The following AK8 variants were observed in gnomAD, a reference collection of about 807,000 sequenced individuals.
AK8 encodes the protein adenylate kinase 8, also known as ATP-AMP transphosphorylase 8.
A neutral mutation model predicts 54.6 loss-of-function variants in AK8; 44 were observed. That is an observed-to-expected ratio of 0.81 (90% CI 0.63 to 1.04). The LOEUF (loss-of-function observed/expected upper bound fraction) is 1.04. Among genes scored for constraint, AK8 ranks in the 50% least tolerant of loss-of-function variants. The pLI, the probability that AK8 is intolerant of heterozygous loss-of-function variation, is 0.00. For synonymous variants in AK8, 239 were observed against 245.6 expected (o/e 0.97, Z 0.25); for missense variants, 555 against 613.6 (o/e 0.90, Z 1.01).
intron 11 of AK8, among the ~76,000 whole-genome samples, chr9:132,752,723 C>T (rs1192300195): frequency 6.7e-6 from 1 of 149,978 alleles, no homozygotes. Context: ...GGCTGCCCCC[C>T]ACCCACCCCA....
At chr9:132,775,433 G>A (rs1590227066) in intron 11 of AK8, among the ~76,000 whole-genome samples, 2 of 152,104 alleles carry the variant, frequency 1.3e-5, no homozygotes, top group East Asian at 3.9e-4. Context: ...CTCCCAAGTA[G>A]CTGGAATTAC....
chr9:132,725,819 A>G lies in AK8; in HGVS notation c.1309T>C (p.Tyr437His). The G allele has an allele frequency of 6.2e-7, 1 of 1,607,464 alleles. No homozygotes were observed. Among genetic ancestry groups the G allele is most frequent in the South Asian group, 1.1e-5 (1 of 89,168 alleles). The change falls in exon 13 of 13, where the codon TAC becomes CAC. Residue 437 changes from tyrosine to histidine, a missense_variant. By Grantham distance (83) the Tyr-to-His change is moderately conservative. Coordinates refer to ENST00000298545, the MANE Select transcript of AK8 (RefSeq NM_152572.3). ...TGCTCCAAGTCAGCTGAGTTCCTGT[A>G]GAACAGGTCCATTTTCAGCTTGACC... ...EQVKLKMDLF[Y>H]RNSADLEQLY...
rs549141186 is a variant in AK8 at position 132,814,615 on chromosome 9, C to T, written c.979+23G>A. 9 of 1,610,050 alleles carry T rather than the reference C, an allele frequency of 5.6e-6. No homozygotes were observed. The East Asian group carries it at 1.6e-4, about 28-fold the overall frequency. ...CTCTCTGGAGCCTGTAAGGTCATGA[C>T]AGTTAGTGGGAACGTGGCCTACCTG... On this transcript the variant is annotated intron_variant, in intron 10 of 12. Transcript: ENST00000298545.
chr9:132,749,569 G>A (rs576725775), intron 11 of AK8, among the ~76,000 whole-genome samples: 34 of 152,044 alleles, frequency 2.2e-4, no homozygotes, highest in African/African-American at 6.5e-4. Flanking sequence ...AGCTTGCCCC[G>A]ATATCGGCTG....
intron 10 of AK8, among the ~76,000 whole-genome samples, chr9:132,808,000 A>G (rs1840800998): frequency 1.3e-5 from 2 of 152,016 alleles, no homozygotes; most frequent in Admixed American, 1.3e-4. Flanking sequence ...TTGAGTTCAG[A>G]GAGGAAAGAG....
Position 132,761,957 on chromosome 9 carries a change from C to T in AK8, c.1121+30677G>A, listed in dbSNP as rs1448174880. 2.0e-5 allele frequency among the ~76,000 whole-genome samples: 3 copies of T among 152,248 alleles called. No individual in the cohort carries two copies. The East Asian group carries it at 5.8e-4, about 29-fold the overall frequency. Reference sequence around the variant, plus strand: ...CAATCTCAGCTCACTGCAACCTTCACCTCCCCAGTTCAAGCAATTCTTGTG... The same window carrying T: ...CAATCTCAGCTCACTGCAACCTTCATCTCCCCAGTTCAAGCAATTCTTGTG... On this transcript the variant is annotated intron_variant, in intron 11 of 12. Coordinates refer to ENST00000298545, the MANE Select transcript of AK8 (RefSeq NM_152572.3).
Position 132,792,783 on chromosome 9 carries a change from G to A in AK8, c.980-8C>T, listed in dbSNP as rs748664462. The A allele has an allele frequency of 5.8e-6, 9 of 1,557,316 alleles. 1 individual carries two copies. In the South Asian group the frequency reaches 1.1e-4, roughly 19 times the overall value. ...TGAGGAGGCTGTCAGGAACTGCAGA[G>A]AAGGGGGGCAAGTGAGTACCCTGCT... is the stretch of plus-strand genomic sequence containing the variant. On this transcript the variant is annotated splice_polypyrimidine_tract_variant and splice_region_variant and intron_variant, in intron 10 of 12. Transcript: ENST00000298545.
At chr9:132,878,376 TC>T (rs1360132378), upstream of AK8, 1 of 1,245,382 alleles carries the variant, frequency 8.0e-7, no homozygotes, top group Non-Finnish European at 1.0e-6. This position sits in a 1 kb window ranked among gnomAD's most constrained non-coding sequence, Gnocchi z 4.7. Context: ...AGATACCCGA[TC>T]CTCGGTCGCG....
chr9:132,793,133 G>A (rs1472619698), intron 10 of AK8, among the ~76,000 whole-genome samples: 1 of 152,186 alleles, frequency 6.6e-6, no homozygotes, highest in Non-Finnish European at 1.5e-5. Context: ...GGGAGTCTAA[G>A]ATCAAGTCAG....
chr9:132,844,453 AAAT>A (rs1373535440), intron 5 of AK8, among the ~76,000 whole-genome samples: 2 of 152,138 alleles, frequency 1.3e-5, no homozygotes, highest in Non-Finnish European at 2.9e-5. Context: ...CTGTGTAGCT[AAAT>A]AATAATAATT....
At chr9:132,853,810 T>TAAAAAAAAAAAAAA (rs1843065733) in intron 5 of AK8, among the ~76,000 whole-genome samples, 1 of 94,186 alleles carries the variant, frequency 1.1e-5, no homozygotes. Flanking sequence ...AAAAAAAAAG[T>TAAAAAAAAAAAAAA]AAACAGAGTG....
At chr9:132,809,291 G>A (rs1345288647) in intron 10 of AK8, among the ~76,000 whole-genome samples, 1 of 152,194 alleles carries the variant, frequency 6.6e-6, no homozygotes, top group African/African-American at 2.4e-5. Context: ...GAAAGCCTCA[G>A]GGGATACAGC....
At chr9:132,766,643 A>G (rs1343384337) in intron 11 of AK8, among the ~76,000 whole-genome samples, 1 of 152,238 alleles carries the variant, frequency 6.6e-6, no homozygotes, top group Non-Finnish European at 1.5e-5. Context: ...AATAGAAAAA[A>G]AAAACTTAAA....
intron 5 of AK8, 103 bp from the exon 6 acceptor site, chr9:132,828,829 T>C (rs914113204): frequency 4.3e-5 from 38 of 878,134 alleles, no homozygotes; most frequent in Non-Finnish European, 5.9e-5. Flanking sequence ...CTAGAACTTT[T>C]AAGACAAAAA....
Position 132,837,320 on chromosome 9 carries a change from A to G in AK8, c.403-8594T>C, listed in dbSNP as rs373910263. ...GGTGACAGAGCAAGACTCCATCTCG[A>G]AAAAAAAAAAAAAAAAAAGAATGAA... On this transcript the variant is annotated intron_variant, in intron 5 of 12. Transcript: ENST00000298545. The surrounding 1 kb of genome is among the most constrained non-coding windows in gnomAD (Gnocchi z 4.3). Among the ~76,000 whole-genome samples the G allele has an allele frequency of 0.014, 1,526 of 110,492 alleles. 24 individuals are homozygous for G. The highest frequency in any genetic ancestry group is 0.049 in the African/African-American group (1,366 of 27,966). 72.5% of individuals were successfully genotyped at this position (110,492 alleles called of 152,430 possible).
rs1840357510 is a variant in AK8, at chr9:132,799,807, C to A, written c.980-7032G>T. 6.6e-6 allele frequency among the ~76,000 whole-genome samples: 1 copy of A among 152,172 alleles called. No homozygotes were observed. Among genetic ancestry groups the A allele is most frequent in the Non-Finnish European group, 1.5e-5 (1 of 68,046 alleles). On this transcript the variant is annotated intron_variant, in intron 10 of 12. Transcript: ENST00000298545. This position sits in a 1 kb window ranked among gnomAD's most constrained non-coding sequence, Gnocchi z 5.0. ...CGCTTCAAACTGCCCGGTGTAACTT[C>A]TTTCCTTCTTCAAGCCCTCCTTGAA...
chr9:132,807,308 T>C (rs769687794), intron 10 of AK8, among the ~76,000 whole-genome samples: 1 of 152,134 alleles, frequency 6.6e-6, no homozygotes, highest in Admixed American at 6.5e-5. Context: ...AAAGCTACAG[T>C]CTAGCTCAGA....
chr9:132,726,077 CT>C, intron 12 of AK8, 152 bp from the exon 13 acceptor site: 1 of 658,204 alleles, frequency 1.5e-6, no homozygotes. Flanking sequence ...GTGTGCACAC[CT>C]TTGACTGATG....
intron 11 of AK8, among the ~76,000 whole-genome samples, chr9:132,761,260 TTTTCTTTTC>T (rs1195439657): frequency 1.2e-4 from 16 of 128,736 alleles, no homozygotes; most frequent in Admixed American, 5.2e-4. Context: ...TTTTCTTTTC[TTTTCTTTTC>T]TTTTTTTTTT....
Sources: gnomAD v4.1 joint callset for allele counts (sites outside exome capture counted in the v4.1 genomes callset) on GRCh38, gnomAD v4.1.1 for gene constraint, Gnocchi (gnomAD v3.1) non-coding constraint, MANE v1.5 for transcripts, NCBI Gene and HGNC (gene_info 2026-07-23, HGNC 2026-07-21) for gene names.